The following TTC28 variants were observed in gnomAD, a reference collection of about 807,000 sequenced individuals.
TTC28 encodes tetratricopeptide repeat protein 28.
TTC28 carries 61 observed loss-of-function variants against 198.0 expected under a neutral mutation model. That is an observed-to-expected ratio of 0.31 (90% confidence interval 0.25 to 0.38). The LOEUF (loss-of-function observed/expected upper bound fraction) is 0.38, where lower values mean the gene tolerates loss of function less well. TTC28 is among the 10% of genes least tolerant of loss of function. The pLI, the probability that TTC28 is intolerant of heterozygous loss-of-function variation, is 1.00. For synonymous variants in TTC28, 1,171 were observed against 1,297.8 expected (o/e 0.90, Z 2.10); for missense variants, 2,678 against 3,164.0 (o/e 0.85, Z 3.69).
chr22:28,542,269 CAA>C (rs1363528997), intron 2 of TTC28, among the ~76,000 whole-genome samples: 1 of 151,858 alleles, frequency 6.6e-6, no homozygotes, highest in Non-Finnish European at 1.5e-5. Context: ...CTATAGAAAC[CAA>C]AGCACAAAGA....
rs540063439 is a variant in TTC28, at chr22:28,035,447, C to T, written c.3933-5081G>A. 2.0e-5 allele frequency among the ~76,000 whole-genome samples: 3 copies of T among 152,368 alleles called. No homozygotes were observed. In the East Asian group the frequency reaches 5.8e-4, roughly 29 times the overall value. ...GCAAGCGTTAGTGAATTTGCAGCCA[C>T]TGCCTATAATCATTTTGTGCCTTCT... On this transcript the variant is annotated intron_variant, in intron 12 of 22. Transcript: ENST00000397906.
chr22:28,109,462 G>T (rs996121358), intron 6 of TTC28, among the ~76,000 whole-genome samples: 2 of 152,186 alleles, frequency 1.3e-5, no homozygotes, highest in African/African-American at 4.8e-5. Flanking sequence ...TTAGGTAGTG[G>T]AATTTCAGTA....
intron 2 of TTC28, among the ~76,000 whole-genome samples, chr22:28,373,203 T>C (rs2046362667): frequency 6.6e-6 from 1 of 151,046 alleles, no homozygotes; most frequent in Non-Finnish European, 1.5e-5. Flanking sequence ...ATGTTCAAGA[T>C]AGAGAGGAGA....
chr22:28,207,985 T>C (rs1020196313), intron 5 of TTC28, among the ~76,000 whole-genome samples: 2 of 152,176 alleles, frequency 1.3e-5, no homozygotes, highest in African/African-American at 4.8e-5. Flanking sequence ...AAAAACTATA[T>C]GCTGCATCTA....
At chr22:28,504,357 A>ATG (rs750926087) in intron 2 of TTC28, among the ~76,000 whole-genome samples, 101 of 151,906 alleles carry the variant, frequency 6.6e-4, no homozygotes, top group Non-Finnish European at 1.1e-3. Context: ...CTATATAGCT[A>ATG]TGTGTGTGTG....
At chr22:28,348,942 A>C (rs1179847406) in intron 2 of TTC28, among the ~76,000 whole-genome samples, 1 of 152,216 alleles carries the variant, frequency 6.6e-6, no homozygotes, top group Non-Finnish European at 1.5e-5. Context: ...GGTCCTGTGC[A>C]TAATCACTGA....
chr22:28,010,819 T>TA (rs1172276921), intron 14 of TTC28, among the ~76,000 whole-genome samples: 7 of 152,192 alleles, frequency 4.6e-5, no homozygotes, highest in Non-Finnish European at 8.8e-5. Flanking sequence ...TATTGGCTGA[T>TA]TTCTAAGTTG....
chr22:28,043,776 ACCTGTGTGT>A (rs2146682305), intron 12 of TTC28, among the ~76,000 whole-genome samples: 1 of 152,110 alleles, frequency 6.6e-6, no homozygotes, highest in South Asian at 2.1e-4. Context: ...GTCCTCAGGG[ACCTGTGTGT>A]CCTTACTGCC....
At chr22:28,612,948 C>G (rs2050843416) in intron 2 of TTC28, among the ~76,000 whole-genome samples, 1 of 151,978 alleles carries the variant, frequency 6.6e-6, no homozygotes, top group Non-Finnish European at 1.5e-5. Flanking sequence ...CAAACAAATT[C>G]AAAAACTAGC....
At position 28,297,671 on chromosome 22, in the gene TTC28, G is replaced by A. The variant is rs1261520890; in HGVS notation, c.711C>T (p.Phe237=). 4 of 1,551,682 alleles carry A rather than the reference G, an allele frequency of 2.6e-6. No individual in the cohort carries two copies. The Admixed American group carries it at 7.8e-5, about 30-fold the overall frequency. The part of the protein sequence containing the change: ...TCSLKLRGSV[F]SALSSAYWSL... Reference sequence around the variant, plus strand: ...ACCAGTAAGCACTGCTCAGGGCAGAGAAAACAGAACCTCTCAGTTTGAGGC... The same window carrying A: ...ACCAGTAAGCACTGCTCAGGGCAGAAAAAACAGAACCTCTCAGTTTGAGGC... Residue 237 remains phenylalanine (F), a synonymous_variant, in exon 4 of 23, where the codon TTC becomes TTT. Coordinates refer to ENST00000397906, the MANE Select transcript of TTC28 (RefSeq NM_001145418.2).
intron 2 of TTC28, among the ~76,000 whole-genome samples, chr22:28,427,973 AT>A (rs1291277758): frequency 6.6e-6 from 1 of 152,104 alleles, no homozygotes; most frequent in African/African-American, 2.4e-5. Context: ...TAACCATGGA[AT>A]TTTTTCTTCC....
chr22:28,648,221 CAAA>C (rs34510876), intron 1 of TTC28, among the ~76,000 whole-genome samples: 1 of 62,464 alleles, frequency 1.6e-5, no homozygotes, highest in Non-Finnish European at 3.2e-5. Flanking sequence ...GAGACTCTGT[CAAA>C]AAAAAAAAAA....
intron 2 of TTC28, among the ~76,000 whole-genome samples, chr22:28,566,049 G>T (rs947577791): frequency 3.9e-5 from 6 of 152,094 alleles, no homozygotes; most frequent in African/African-American, 9.7e-5. Context: ...ATATGGTTTG[G>T]GGGGAGGAAT....
intron 2 of TTC28, among the ~76,000 whole-genome samples, chr22:28,461,302 T>G (rs1353826283): frequency 6.6e-6 from 1 of 152,198 alleles, no homozygotes; most frequent in Non-Finnish European, 1.5e-5. Flanking sequence ...ACCTAATAAG[T>G]GACAGAAATG....
At position 28,203,397 on chromosome 22, in the gene TTC28, G is replaced by T. The variant is rs183457288; in HGVS notation, c.934-39798C>A. Among the ~76,000 whole-genome samples, 185 of 152,208 alleles carry T rather than the reference G, an allele frequency of 1.2e-3. 1 individual carries two copies. The highest frequency in any genetic ancestry group is 9.1e-3 in the South Asian group (44 of 4,822). ...AATAGTACACACTCAAAAAATGGTA[G>T]CTATTTTTATTGTAACCTGTAAATG... is the stretch of plus-strand genomic sequence containing the variant. On this transcript the variant is annotated intron_variant, in intron 5 of 22. Coordinates refer to ENST00000397906, the MANE Select transcript of TTC28 (RefSeq NM_001145418.2).
intron 2 of TTC28, among the ~76,000 whole-genome samples, chr22:28,577,071 T>C (rs1175065041): frequency 6.6e-6 from 1 of 152,110 alleles, no homozygotes; most frequent in Non-Finnish European, 1.5e-5. Context: ...GATTGTTTAT[T>C]TGAAGTTTTT....
Position 28,098,972 on chromosome 22 carries a change from G to C in TTC28, c.3490C>G (p.Leu1164Val), listed in dbSNP as rs750941400. The C allele has an allele frequency of 2.6e-6, 4 of 1,551,860 alleles. No individual in the cohort carries two copies. The South Asian group carries it at 4.8e-5, about 18-fold the overall frequency. ...AQLSTDYKLS[L>V]FDLQTSSYQA... Reference sequence around the variant, plus strand: ...TAGGATGATGTCTGCAGGTCAAAGAGGGAGAGTTTGTAGTCCGTGCTCAGC... The same window carrying C: ...TAGGATGATGTCTGCAGGTCAAAGACGGAGAGTTTGTAGTCCGTGCTCAGC... Residue 1164 changes from leucine (L) to valine (V), a missense_variant, in exon 10 of 23, where the codon CTC (leucine) becomes GTC (valine). By Grantham distance (32) the Leu-to-Val change is conservative (BLOSUM62 1). Transcript: ENST00000397906.
intron 2 of TTC28, 99 bp from the exon 3 acceptor site, chr22:28,306,742 G>A: frequency 7.9e-7 from 1 of 1,272,002 alleles, no homozygotes; most frequent in Non-Finnish European, 1.1e-6. Context: ...CTAAGATTGA[G>A]ATGTACTTGA....
At chr22:28,650,885 C>T (rs1424238839) in intron 1 of TTC28, among the ~76,000 whole-genome samples, 3 of 152,192 alleles carry the variant, frequency 2.0e-5, no homozygotes, top group Non-Finnish European at 4.4e-5. Flanking sequence ...GTCTTAGAAT[C>T]TGAAACAACT....
Sources: allele counts gnomAD v4.1 joint callset (sites outside exome capture counted in the v4.1 genomes callset), GRCh38; gene constraint gnomAD v4.1.1; transcripts MANE v1.5; gene names NCBI Gene and HGNC (gene_info 2026-07-23, HGNC 2026-07-21).